The following SBF2 variants were observed in gnomAD, a reference collection of about 807,000 sequenced individuals.
SBF2 encodes the protein SET binding factor 2.
SBF2 carries 112 observed loss-of-function variants against 225.2 expected under a neutral mutation model. The observed-to-expected ratio is 0.50, with a 90% CI of 0.43 to 0.58. The LOEUF is 0.58. Ranked by LOEUF, SBF2 falls within the 20% of genes least tolerant of loss-of-function variation. The probability of loss-of-function intolerance (pLI) is 0.00; values close to 1 mark genes in which losing one functional copy is unlikely to be tolerated. For synonymous variants in SBF2, 763 were observed against 773.3 expected, an observed-to-expected ratio of 0.99 and a Z score of 0.22; for missense variants, 1,996 against 2,206.2, an observed-to-expected ratio of 0.90 and a Z score of 1.91.
chr11:10,103,421 T>C (rs375393014), intron 2 of SBF2, among the ~76,000 whole-genome samples: 1 of 152,220 alleles, frequency 6.6e-6, no homozygotes, highest in East Asian at 1.9e-4. Context: ...AAATGTGTTA[T>C]TGGTATATGT....
At chr11:10,212,762 T>C (rs1008496639) in intron 1 of SBF2, among the ~76,000 whole-genome samples, 4 of 152,208 alleles carry the variant, frequency 2.6e-5, no homozygotes, top group Non-Finnish European at 5.9e-5. Context: ...TTAAGTTCTG[T>C]TACTCGCGGC....
intron 2 of SBF2, among the ~76,000 whole-genome samples, chr11:10,171,436 C>T (rs1232737812): frequency 2.0e-5 from 3 of 152,202 alleles, no homozygotes; most frequent in South Asian, 2.1e-4. Flanking sequence ...AAATGTATCA[C>T]GTTGATTGGT....
At chr11:9,844,552 G>T (rs1012613257) in intron 24 of SBF2, among the ~76,000 whole-genome samples, 6 of 151,906 alleles carry the variant, frequency 3.9e-5, no homozygotes, top group African/African-American at 7.3e-5. Flanking sequence ...AGAAAATAAG[G>T]GTTCATACTA....
chr11:10,205,724 C>T (rs1957729986), intron 1 of SBF2, among the ~76,000 whole-genome samples: 1 of 151,998 alleles, frequency 6.6e-6, no homozygotes, highest in African/African-American at 2.4e-5. Context: ...GACTCCCTTT[C>T]CCCAAAGGCA....
rs1565153495 is a variant in SBF2, at chr11:10,031,178, A to T, written c.280-8T>A. On this transcript the variant is annotated splice_region_variant and splice_polypyrimidine_tract_variant and intron_variant, in intron 3 of 39. Transcript: ENST00000256190. ...CTCTTCCTTCTTTGTTCCCTAGAAA[A>T]AGAGACACTGAAATCAACAAACAGA... 1.9e-6 allele frequency: 3 copies of T among 1,612,992 alleles called. No homozygotes were observed. In the African/African-American group the frequency reaches 4.0e-5, roughly 22 times the overall value.
At chr11:9,877,371 A>G (rs1859341721) in intron 17 of SBF2, among the ~76,000 whole-genome samples, 1 of 152,238 alleles carries the variant, frequency 6.6e-6, no homozygotes, top group Non-Finnish European at 1.5e-5. Flanking sequence ...TTAAAAACTA[A>G]ACATGAAATC....
chr11:10,229,091 A>C (rs1172605516), intron 1 of SBF2, among the ~76,000 whole-genome samples: 1 of 152,052 alleles, frequency 6.6e-6, no homozygotes, highest in Non-Finnish European at 1.5e-5. Flanking sequence ...TAGATTTTCT[A>C]GTTTATTTGT....
chr11:10,294,218 C>G lies in SBF2; in HGVS notation c.-149G>C, dbSNP rs1964368419. On this transcript the variant is annotated 5_prime_UTR_variant, in exon 1 of 40. Coordinates refer to ENST00000256190, the MANE Select transcript of SBF2 (RefSeq NM_030962.4). The stretch of plus-strand genomic sequence containing the variant: ...CCATGTTTGACAACCGAGGCGCGCT[C>G]TGCGCTTGCGCGGCGCCTAGTGCCC... 2 of 553,056 alleles carry G rather than the reference C, an allele frequency of 3.6e-6. No homozygotes were observed. Among genetic ancestry groups the G allele is most frequent in the Admixed American group, 4.6e-5 (1 of 21,870 alleles). The allele number at this position is 553,056 out of a possible 1,614,324, so 34.3% of individuals were successfully genotyped here.
intron 16 of SBF2, among the ~76,000 whole-genome samples, chr11:9,920,239 T>C (rs1863509506): frequency 6.6e-6 from 1 of 151,368 alleles, no homozygotes; most frequent in East Asian, 1.9e-4. Flanking sequence ...TATATGTATA[T>C]CATATATGTA....
chr11:10,008,110 T>C (rs1948278747), intron 6 of SBF2, among the ~76,000 whole-genome samples: 2 of 152,144 alleles, frequency 1.3e-5, no homozygotes, highest in Admixed American at 6.5e-5. Context: ...GTTCCTCCGG[T>C]TGACTCCAAT....
At chr11:10,196,860 A>ATTTTT (rs1288978130) in intron 1 of SBF2, among the ~76,000 whole-genome samples, 3 of 13,642 alleles carry the variant, frequency 2.2e-4, no homozygotes, top group Non-Finnish European at 3.2e-4. Context: ...ATATATATAT[A>ATTTTT]TATATATTTT....
At chr11:10,172,229 T>C (rs980178247) in intron 2 of SBF2, among the ~76,000 whole-genome samples, 17 of 152,186 alleles carry the variant, frequency 1.1e-4, no homozygotes, top group African/African-American at 3.9e-4. Flanking sequence ...CATTAGGTTG[T>C]TTATGTGAAG....
At position 10,058,181 on chromosome 11, in the gene SBF2, C is replaced by T. The variant is rs147591386; in HGVS notation, c.142-15200G>A. Among the ~76,000 whole-genome samples, 10 of 152,132 alleles carry T rather than the reference C, an allele frequency of 6.6e-5. No individual in the cohort carries two copies. In the East Asian group the frequency reaches 9.7e-4, roughly 15 times the overall value. On this transcript the variant is annotated intron_variant, in intron 2 of 39. Coordinates refer to ENST00000256190, the MANE Select transcript of SBF2 (RefSeq NM_030962.4). ...AACTAGGCCAAACTGGATGGATTGA[C>T]GAATAGAATTCAGAATATGGATAGG...
intron 2 of SBF2, among the ~76,000 whole-genome samples, chr11:10,104,362 C>A (rs1952459898): frequency 6.6e-6 from 1 of 152,186 alleles, no homozygotes; most frequent in South Asian, 2.1e-4. Flanking sequence ...AAAAGAAGAG[C>A]AGTTTGAAAC....
At chr11:10,051,277 T>C (rs776398567) in intron 2 of SBF2, among the ~76,000 whole-genome samples, 1 of 152,090 alleles carries the variant, frequency 6.6e-6, no homozygotes, top group Non-Finnish European at 1.5e-5. Context: ...CTTCTCCTAA[T>C]AGAAAATAAT....
At chr11:9,959,315 T>C (rs144833949) in intron 16 of SBF2, 33 of 775,626 alleles carry the variant, frequency 4.3e-5, no homozygotes, top group South Asian at 3.5e-4. Flanking sequence ...TCTGCTCACA[T>C]ACTACAGTTA....
chr11:9,849,010 T>C (rs1233850764), intron 22 of SBF2, among the ~76,000 whole-genome samples: 1 of 152,250 alleles, frequency 6.6e-6, no homozygotes, highest in Non-Finnish European at 1.5e-5. Flanking sequence ...CATCAAATGC[T>C]ACTGCATACA....
At chr11:9,809,050 G>T (rs751395778) in intron 30 of SBF2, 48 bp from the exon 31 acceptor site, 3 of 1,390,548 alleles carry the variant, frequency 2.2e-6, no homozygotes, top group Non-Finnish European at 3.1e-6. Flanking sequence ...CTTTCTGAGT[G>T]CAGAAGTCAG....
intron 2 of SBF2, among the ~76,000 whole-genome samples, chr11:10,057,495 C>A (rs952051378): frequency 3.9e-5 from 6 of 152,194 alleles, no homozygotes; most frequent in African/African-American, 1.4e-4. Flanking sequence ...AGACAGGGAA[C>A]CCCTGGCTTG....
Sources: allele counts gnomAD v4.1 joint callset (sites outside exome capture counted in the v4.1 genomes callset), GRCh38; gene constraint gnomAD v4.1.1; transcripts MANE v1.5; gene names NCBI Gene and HGNC (gene_info 2026-07-23, HGNC 2026-07-21).